Variants in GGNBP2 observed in about 807,000 individuals in gnomAD.
The protein encoded by GGNBP2 is gametogenetin-binding protein 2.
Under a neutral mutation model 85.9 loss-of-function variants are expected in GGNBP2, and 10 were observed. The ratio of observed to expected loss-of-function variants is 0.12; its 90% confidence interval spans 0.07 to 0.20. GGNBP2 has a LOEUF of 0.20. Ranked by LOEUF, GGNBP2 falls within the 10% of genes least tolerant of loss-of-function variation. The pLI, the probability that GGNBP2 is intolerant of heterozygous loss-of-function variation, is 1.00. For missense variants in GGNBP2, 595 were observed against 857.8 expected (o/e 0.69, Z 3.83); for synonymous variants, 287 against 285.7 (o/e 1.00, Z -0.05).
At chr17:36,564,883 A>T (rs1272012184) in intron 5 of GGNBP2, among the ~76,000 whole-genome samples, 1 of 152,148 alleles carries the variant, frequency 6.6e-6, no homozygotes, top group Non-Finnish European at 1.5e-5. Context: ...GTATTCTCTC[A>T]TCTATGCAAG....
chr17:36,582,489 C>T (rs971694692), intron 9 of GGNBP2: 1 of 151,700 alleles, frequency 6.6e-6, no homozygotes, highest in Non-Finnish European at 1.5e-5. Context: ...TTGATTTTTT[C>T]CCCCCCAAAT....
At chr17:36,575,648 A>ATATATATTTTTTT (rs374366757) in intron 6 of GGNBP2, among the ~76,000 whole-genome samples, 1 of 54,908 alleles carries the variant, frequency 1.8e-5, no homozygotes, top group Admixed American at 2.6e-4. Context: ...ATATATATAT[A>ATATATATTTTTTT]TTTTTTTTTT....
At chr17:36,573,070 T>C (rs753439994) in intron 6 of GGNBP2, among the ~76,000 whole-genome samples, 6 of 152,194 alleles carry the variant, frequency 3.9e-5, no homozygotes, top group African/African-American at 7.2e-5. Flanking sequence ...TGTGACATTA[T>C]TTAAAAATGG....
At chr17:36,548,836 G>A (rs963628065) in intron 2 of GGNBP2, among the ~76,000 whole-genome samples, 12 of 151,202 alleles carry the variant, frequency 7.9e-5, no homozygotes, top group Admixed American at 5.9e-4. Context: ...CCCAGCTACT[G>A]ATGAGACTGA....
rs1307235371 is a variant in GGNBP2, at chr17:36,547,574, A to T, written c.93+1757A>T. On this transcript the variant is annotated intron_variant, in intron 2 of 13. Transcript: ENST00000613102. Reference sequence around the variant, plus strand: ...AATGGCCAACTTTTTAAGTGCTTTTATACTGTATTCTCTCCACAATGATGT... The same window carrying T: ...AATGGCCAACTTTTTAAGTGCTTTTTTACTGTATTCTCTCCACAATGATGT... The T allele has an allele frequency of 3.3e-5, 5 of 152,236 alleles. No individual in the cohort carries two copies. The East Asian group carries it at 9.6e-4, about 29-fold the overall frequency. The allele number at this position is 152,236 out of a possible 1,614,324, so 9.4% of individuals were successfully genotyped here. A position where few individuals can be genotyped will look rare whatever the true frequency, so the allele number is the denominator to read the frequency against.
chr17:36,580,322 C>A (rs1008382021), intron 8 of GGNBP2, among the ~76,000 whole-genome samples: 91 of 151,424 alleles, frequency 6.0e-4, no homozygotes, highest in Middle Eastern at 3.4e-3. Flanking sequence ...ATTCTCCTGG[C>A]TCAGCCTCCC....
At chr17:36,587,864 C>T (rs1275208548) in intron 13 of GGNBP2, among the ~76,000 whole-genome samples, 2 of 152,104 alleles carry the variant, frequency 1.3e-5, no homozygotes, top group Admixed American at 6.5e-5. Flanking sequence ...TCCAGCCTGG[C>T]GACAGAGTGA....
chr17:36,546,775 T>G (rs184136624), intron 2 of GGNBP2: 1 of 152,356 alleles, frequency 6.6e-6, no homozygotes. Flanking sequence ...TGCACCTAAG[T>G]CTCTTCATCT....
At chr17:36,572,825 GAAC>G (rs1380684206) in intron 6 of GGNBP2, among the ~76,000 whole-genome samples, 2 of 152,078 alleles carry the variant, frequency 1.3e-5, no homozygotes, top group South Asian at 2.1e-4. Context: ...TATACGCATT[GAAC>G]AACACCTTTT....
rs563267827 is a variant in GGNBP2, at chr17:36,568,215, C to T, written c.641+439C>T. Among the ~76,000 whole-genome samples, 33 of 152,196 alleles carry T rather than the reference C, an allele frequency of 2.2e-4. No homozygotes were observed. The South Asian group carries it at 5.0e-3, about 23-fold the overall frequency. ...CTAGGATTACAGGCATGAGCCACTG[C>T]GCTTGGCCAAAGCAGTTGCTTTATG... On this transcript the variant is annotated intron_variant, in intron 6 of 13. Transcript: ENST00000613102.
chr17:36,565,298 A>G (rs567261251), intron 5 of GGNBP2, among the ~76,000 whole-genome samples: 1 of 152,308 alleles, frequency 6.6e-6, no homozygotes, highest in South Asian at 2.1e-4. Flanking sequence ...GTTGTCATGG[A>G]TTAAGCTGTG....
intron 2 of GGNBP2, among the ~76,000 whole-genome samples, chr17:36,552,291 A>G (rs2074317252): frequency 6.6e-6 from 1 of 152,222 alleles, no homozygotes; most frequent in African/African-American, 2.4e-5. Flanking sequence ...TTGAACTATT[A>G]ACTATTTTAT....
chr17:36,566,107 T>C (rs941366012), intron 5 of GGNBP2, among the ~76,000 whole-genome samples: 2 of 151,712 alleles, frequency 1.3e-5, no homozygotes, highest in African/African-American at 4.8e-5. Context: ...AGTTCAGAGG[T>C]TTTTCCGTCT....
At chr17:36,568,990 T>C (rs1231212079) in intron 6 of GGNBP2, among the ~76,000 whole-genome samples, 1 of 152,068 alleles carries the variant, frequency 6.6e-6, no homozygotes, top group Non-Finnish European at 1.5e-5. Context: ...TCCTGACTTG[T>C]GATCCGCTCT....
intron 6 of GGNBP2, among the ~76,000 whole-genome samples, chr17:36,575,651 T>TTATA (rs2074572992): frequency 2.4e-5 from 3 of 122,986 alleles, no homozygotes; most frequent in South Asian, 5.3e-4. Context: ...TATATATATT[T>TTATA]TTTTTTTTTT....
At chr17:36,571,579 C>T (rs1047320328) in intron 6 of GGNBP2, among the ~76,000 whole-genome samples, 10 of 151,980 alleles carry the variant, frequency 6.6e-5, no homozygotes, top group Non-Finnish European at 1.3e-4. Context: ...CCATGGCTCA[C>T]GCCTGTAATC....
rs765737018 is a variant in GGNBP2 at position 36,587,058 on chromosome 17, T to G, written c.1703T>G (p.Met568Arg). 2.4e-5 allele frequency: 39 copies of G among 1,613,736 alleles called. No individual in the cohort carries two copies. Among genetic ancestry groups the G allele is most frequent in the Non-Finnish European group, 2.9e-5 (34 of 1,179,902 alleles). Reference protein sequence around the residue: ...PGNRETSGNTMHTVFHRDKTK... With the variant: ...PGNRETSGNTRHTVFHRDKTK... ...AATCGAGAGACCTCAGGAAATACCATGCACACAGTGTTTCACCGTGACAAG... is the reference window on the plus strand; with the variant it reads ...AATCGAGAGACCTCAGGAAATACCAGGCACACAGTGTTTCACCGTGACAAG... The change falls in exon 13 of 14, where the codon ATG becomes AGG. Residue 568 changes from methionine to arginine, a missense_variant. Transcript: ENST00000613102.
chr17:36,566,067 T>C (rs1388314473), intron 5 of GGNBP2, among the ~76,000 whole-genome samples: 1 of 152,182 alleles, frequency 6.6e-6, no homozygotes, highest in Non-Finnish European at 1.5e-5. Flanking sequence ...GGTTGAGAAA[T>C]ACCCATTTAG....
intron 6 of GGNBP2, among the ~76,000 whole-genome samples, chr17:36,571,756 T>C (rs2074527093): frequency 6.6e-6 from 1 of 152,038 alleles, no homozygotes; most frequent in Non-Finnish European, 1.5e-5. Flanking sequence ...GGCAGGAGAA[T>C]GGCGTGAACC....
Sources: allele counts gnomAD v4.1 joint callset (sites outside exome capture counted in the v4.1 genomes callset), GRCh38; gene constraint gnomAD v4.1.1; transcripts MANE v1.5; gene names NCBI Gene and HGNC (gene_info 2026-07-23, HGNC 2026-07-21).